CCDC63: variants seen among roughly 807,000 people sequenced by gnomAD.
CCDC63 encodes the protein coiled-coil domain containing 63.
Under a neutral mutation model 63.6 loss-of-function variants are expected in CCDC63, and 54 were observed. That is an observed-to-expected ratio of 0.85 (90% CI 0.68 to 1.07). The LOEUF (loss-of-function observed/expected upper bound fraction) is 1.07, where lower values mean the gene tolerates loss of function less well. Among genes scored for constraint, CCDC63 ranks in the 50% least tolerant of loss-of-function variants. The pLI is 0.00. For missense variants in CCDC63, 637 were observed against 689.6 expected (o/e 0.92, Z 0.86); for synonymous variants, 253 against 266.1 (o/e 0.95, Z 0.48).
At chr12:110,898,465 A>C (rs2071441300) in intron 9 of CCDC63, among the ~76,000 whole-genome samples, 1 of 151,366 alleles carries the variant, frequency 6.6e-6, no homozygotes, top group South Asian at 2.1e-4. Context: ...AAAAAAAAAA[A>C]AAGTTAGCTG....
At chr12:110,885,774 T>A (rs1473215978) in intron 8 of CCDC63, among the ~76,000 whole-genome samples, 1 of 152,210 alleles carries the variant, frequency 6.6e-6, no homozygotes, top group Non-Finnish European at 1.5e-5. Context: ...TCCTTTGCAA[T>A]ATGTCACTGT....
intron 4 of CCDC63, among the ~76,000 whole-genome samples, chr12:110,862,887 C>T (rs1338814624): frequency 2.0e-5 from 3 of 151,944 alleles, no homozygotes; most frequent in African/African-American, 7.3e-5. Flanking sequence ...TCCTGAGTAG[C>T]TAAGATTACA....
At chr12:110,903,871 C>G (rs2071522855) in intron 10 of CCDC63, among the ~76,000 whole-genome samples, 1 of 152,282 alleles carries the variant, frequency 6.6e-6, no homozygotes, top group East Asian at 1.9e-4. Flanking sequence ...TGGGGCAAGC[C>G]AGGAGTTTAA....
chr12:110,876,362 T>A (rs1474338311), intron 5 of CCDC63, among the ~76,000 whole-genome samples: 1 of 152,088 alleles, frequency 6.6e-6, no homozygotes, highest in Non-Finnish European at 1.5e-5. Context: ...AGAATAAGAA[T>A]GCTCTGCTCC....
intron 4 of CCDC63, among the ~76,000 whole-genome samples, chr12:110,873,429 C>T (rs1485297560): frequency 6.6e-6 from 1 of 152,146 alleles, no homozygotes; most frequent in Non-Finnish European, 1.5e-5. Context: ...TTCATCATTG[C>T]AAGAGCCAAA....
rs531601228 is a variant in CCDC63, at chr12:110,887,559, G to A, written c.1074+3309G>A. 5.9e-5 allele frequency among the ~76,000 whole-genome samples: 9 copies of A among 152,210 alleles called. No homozygotes were observed. The East Asian group carries it at 1.7e-3, about 29-fold the overall frequency. On this transcript the variant is annotated intron_variant, in intron 8 of 11. Coordinates refer to ENST00000308208, the MANE Select transcript of CCDC63 (RefSeq NM_152591.3). ...AGGAGTGGCGGTGGGATGGGCCATGGGAGGGGGCTGGGACCCTACCTTTTT... is the reference window on the plus strand; with the variant it reads ...AGGAGTGGCGGTGGGATGGGCCATGAGAGGGGGCTGGGACCCTACCTTTTT...
intron 10 of CCDC63, among the ~76,000 whole-genome samples, chr12:110,899,964 A>G (rs533784587): frequency 1.5e-3 from 221 of 152,212 alleles, no homozygotes; most frequent in African/African-American, 5.2e-3. Context: ...CTGTAATTCC[A>G]GCACTTTGGG....
At chr12:110,901,242 G>A (rs1052820542) in intron 10 of CCDC63, among the ~76,000 whole-genome samples, 1 of 152,028 alleles carries the variant, frequency 6.6e-6, no homozygotes, top group Non-Finnish European at 1.5e-5. Context: ...GGAAAACGGG[G>A]CGTCCATCCC....
chr12:110,907,206 C>G lies in CCDC63; in HGVS notation c.1547-125C>G. On this transcript the variant is annotated intron_variant, in intron 11 of 11. Transcript: ENST00000308208. This position sits in a 1 kb window ranked among gnomAD's most constrained non-coding sequence, Gnocchi z 4.4. ...GAAGTATATTTCTGTTCATTCTCCC[C>G]CTCCTTGAAACCTGAGAATTTCCAT... The G allele has an allele frequency of 8.2e-6, 7 of 858,758 alleles. No homozygotes were observed. The highest frequency in any genetic ancestry group is 8.7e-6 in the Non-Finnish European group (5 of 572,248). The allele number at this position is 858,758 out of a possible 1,614,324, so 53.2% of individuals were successfully genotyped here.
intron 3 of CCDC63, among the ~76,000 whole-genome samples, chr12:110,858,272 G>T (rs528991958): frequency 6.6e-6 from 1 of 152,174 alleles, no homozygotes; most frequent in South Asian, 2.1e-4. Context: ...GTGCCAGGGA[G>T]TTGCTGGCAA....
At chr12:110,863,761 G>A (rs923463507) in intron 4 of CCDC63, among the ~76,000 whole-genome samples, 5 of 152,086 alleles carry the variant, frequency 3.3e-5, no homozygotes, top group African/African-American at 1.2e-4. Context: ...GGCTAGTATT[G>A]AACTCCTGAC....
chr12:110,888,791 TTCCTTCCTTCCTTCC>T (rs2071317847), intron 8 of CCDC63, among the ~76,000 whole-genome samples: 1 of 4,546 alleles, frequency 2.2e-4, no homozygotes, highest in Non-Finnish European at 4.1e-4. Flanking sequence ...CCTTCTTTCC[TTCCTTCCTTCCTTCC>T]TTCCTTCCTT....
intron 11 of CCDC63, among the ~76,000 whole-genome samples, chr12:110,906,013 TA>T (rs2071571041): frequency 5.4e-4 from 2 of 3,734 alleles, no homozygotes; most frequent in South Asian, 0.017. Flanking sequence ...TTATATAATA[TA>T]ATATATATTA....
chr12:110,883,439 C>A (rs754596602), intron 7 of CCDC63, among the ~76,000 whole-genome samples: 18 of 152,164 alleles, frequency 1.2e-4, no homozygotes, highest in Non-Finnish European at 2.4e-4. Context: ...GTGTGAGCTA[C>A]CATGCCCGGC....
intron 3 of CCDC63, among the ~76,000 whole-genome samples, chr12:110,855,144 T>C (rs2070755035): frequency 6.6e-6 from 1 of 152,224 alleles, no homozygotes; most frequent in South Asian, 2.1e-4. Context: ...GGGCCAGGGC[T>C]AGCCCATAAG....
At chr12:110,882,355 TA>T (rs201999716) in intron 7 of CCDC63, among the ~76,000 whole-genome samples, 1 of 151,198 alleles carries the variant, frequency 6.6e-6, no homozygotes, top group African/African-American at 2.4e-5. Flanking sequence ...CTACAATGAA[TA>T]AAAAAAAATT....
chr12:110,902,440 G>A (rs942082230), intron 10 of CCDC63, among the ~76,000 whole-genome samples: 3 of 151,946 alleles, frequency 2.0e-5, no homozygotes, highest in African/African-American at 4.8e-5. Context: ...TTCCTACCTT[G>A]GGGCCTTTGC....
In CCDC63 at chr12:110,873,032, G is replaced by A. The variant is rs184432709; in HGVS notation, c.370-810G>A. ...GTGGATCACTTGAGGCCAGGAGTTC[G>A]AAACCAGGCTGGCCAACATGGCGAA... On this transcript the variant is annotated intron_variant, in intron 4 of 11. Coordinates refer to ENST00000308208, the MANE Select transcript of CCDC63 (RefSeq NM_152591.3). Among the ~76,000 whole-genome samples, 331 of 152,198 alleles carry A rather than the reference G, an allele frequency of 2.2e-3. 3 individuals are homozygous for A. Among genetic ancestry groups the A allele is most frequent in the South Asian group, 0.013 (65 of 4,824 alleles).
chr12:110,904,709 T>G lies in CCDC63; in HGVS notation c.1464T>G (p.Ser488=). The change falls in exon 11 of 12, where the codon TCT becomes TCG. Residue 488 remains serine, a synonymous_variant. Coordinates refer to ENST00000308208, the MANE Select transcript of CCDC63 (RefSeq NM_152591.3). ...TCATCAACCCTTTCTGGGGTGGCTC[T>G]GCCCTCCTCAAGCCCCCAGAACCCA... ...PPFINPFWGG[S]ALLKPPEPIK... 6.2e-7 allele frequency: 1 copy of G among 1,614,132 alleles called. No individual in the cohort carries two copies. Among genetic ancestry groups the G allele is most frequent in the South Asian group, 1.1e-5 (1 of 91,086 alleles).
Sources: gnomAD v4.1 joint callset for allele counts (sites outside exome capture counted in the v4.1 genomes callset) on GRCh38, gnomAD v4.1.1 for gene constraint, Gnocchi (gnomAD v3.1) non-coding constraint, MANE v1.5 for transcripts, NCBI Gene and HGNC (gene_info 2026-07-23, HGNC 2026-07-21) for gene names.